SLC41A3: variants seen among roughly 807,000 people sequenced by gnomAD.
SLC41A3 encodes solute carrier family 41 member 3.
SLC41A3 carries 44 observed loss-of-function variants against 45.4 expected under a neutral mutation model. The ratio of observed to expected loss-of-function variants is 0.97; its 90% confidence interval spans 0.76 to 1.25. The LOEUF is 1.25. Among genes scored for constraint, SLC41A3 ranks in the 50% most tolerant of loss-of-function variants. The pLI, the probability that SLC41A3 is intolerant of heterozygous loss-of-function variation, is 0.00. For synonymous variants in SLC41A3, 256 were observed against 252.4 expected, an observed-to-expected ratio of 1.01 and a Z score of -0.13; for missense variants, 550 against 600.6, an observed-to-expected ratio of 0.92 and a Z score of 0.88.
Position 126,006,532 on chromosome 3 carries a change from G to GC in SLC41A3, c.*483dup, listed in dbSNP as rs749778819. On this transcript the variant is annotated 3_prime_UTR_variant, in exon 11 of 11. Coordinates refer to ENST00000360370, the MANE Select transcript of SLC41A3 (RefSeq NM_017836.4). ...CCTGGGGAGGCTGTACACCTTCTTG[G>GC]CACAGCAGCAGTGTGGCCCACGGAG... 1.9e-6 allele frequency: 3 copies of GC among 1,612,232 alleles called. No individual in the cohort carries two copies. In the South Asian group the frequency reaches 3.3e-5, roughly 18 times the overall value.
upstream of SLC41A3, among the ~76,000 whole-genome samples, chr3:126,086,162 T>C (rs1271778927): frequency 1.3e-5 from 2 of 152,152 alleles, no homozygotes; most frequent in Non-Finnish European, 2.9e-5. Flanking sequence ...AATGACCTCA[T>C]TTCGGGCACT....
intron 1 of SLC41A3, among the ~76,000 whole-genome samples, chr3:126,093,019 G>A (rs192471670): frequency 6.6e-6 from 1 of 152,236 alleles, no homozygotes; most frequent in Non-Finnish European, 1.5e-5. Flanking sequence ...GTGACTGTTC[G>A]AGCAGCACCT....
intron 2 of SLC41A3, among the ~76,000 whole-genome samples, 182 bp from the exon 3 acceptor site, chr3:126,051,232 T>C (rs1423857361): frequency 6.6e-6 from 1 of 152,276 alleles, no homozygotes; most frequent in Admixed American, 6.5e-5. Flanking sequence ...AACCTTTTAG[T>C]GCTGTTAACT....
chr3:126,058,297 C>T (rs776216513), intron 2 of SLC41A3: 3 of 152,294 alleles, frequency 2.0e-5, no homozygotes, highest in Non-Finnish European at 2.9e-5. Context: ...CTTCCTCATC[C>T]GTGATCTCGC....
chr3:126,056,749 A>T, intron 2 of SLC41A3: 1 of 1,414,058 alleles, frequency 7.1e-7, no homozygotes, highest in Non-Finnish European at 9.2e-7. Context: ...ATGAGTGAGG[A>T]ACAAAGGCCA....
intron 1 of SLC41A3, among the ~76,000 whole-genome samples, chr3:126,080,197 A>G (rs1945081287): frequency 6.6e-6 from 1 of 152,218 alleles, no homozygotes; most frequent in African/African-American, 2.4e-5. Flanking sequence ...AGGCAACCAA[A>G]GCAAAAATAG....
At chr3:126,071,723 A>G (rs1944627398) in intron 1 of SLC41A3, among the ~76,000 whole-genome samples, 2 of 152,184 alleles carry the variant, frequency 1.3e-5, no homozygotes, top group Admixed American at 1.3e-4. Context: ...TTAGAAATCA[A>G]TAACAGAAGG....
intron 1 of SLC41A3, 81 bp from the exon 2 acceptor site, chr3:126,068,327 C>G: frequency 7.5e-7 from 1 of 1,330,822 alleles, no homozygotes; most frequent in Non-Finnish European, 9.8e-7. Context: ...AGGCACCTGT[C>G]CAGCCCCAGG....
At chr3:126,069,188 A>G (rs1206346920) in intron 1 of SLC41A3, among the ~76,000 whole-genome samples, 6 of 152,088 alleles carry the variant, frequency 3.9e-5, no homozygotes, top group African/African-American at 1.4e-4. Context: ...CTAGGAACAC[A>G]CTCAGGAAAT....
intron 4 of SLC41A3, among the ~76,000 whole-genome samples, chr3:126,030,201 T>A (rs1941693761): frequency 7.2e-6 from 1 of 138,080 alleles, no homozygotes; most frequent in Admixed American, 7.5e-5. Context: ...TATATGTATA[T>A]TATAAACCTT....
intron 1 of SLC41A3, among the ~76,000 whole-genome samples, chr3:126,091,743 G>A (rs1325764305): frequency 6.6e-6 from 1 of 152,218 alleles, no homozygotes; most frequent in Non-Finnish European, 1.5e-5. Context: ...TTCCTCACTA[G>A]AGACAGCTTT....
At position 126,033,673 on chromosome 3, in the gene SLC41A3, G is replaced by C; in HGVS notation, c.387C>G (p.Asn129Lys). The C allele has an allele frequency of 6.2e-7, 1 of 1,612,736 alleles. No homozygotes were observed. The highest frequency in any genetic ancestry group is 8.5e-7 in the Non-Finnish European group (1 of 1,179,716). Residue 129 changes from asparagine (N) to lysine (K), a missense_variant, in exon 4 of 11, where the codon AAC becomes AAG. Physicochemically the swap from Asn to Lys is moderately conservative, Grantham distance 94. Coordinates refer to ENST00000360370, the MANE Select transcript of SLC41A3 (RefSeq NM_017836.4). The part of the protein sequence containing the change: ...TLASRLSTAA[N>K]TGQIDDPQEQ... ...CCTGGGGGTCATCAATTTGTCCAGTGTTGGCCTAGAATGAAGAGAAAAGGA... is the reference window on the plus strand; with the variant it reads ...CCTGGGGGTCATCAATTTGTCCAGTCTTGGCCTAGAATGAAGAGAAAAGGA...
intron 4 of SLC41A3, among the ~76,000 whole-genome samples, chr3:126,030,967 T>C (rs12631986): frequency 0.22 from 33,155 of 152,154 alleles, 4,059 homozygotes; most frequent in Non-Finnish European, 0.27. Context: ...CATTTGTGTA[T>C]TTGTACAAAG....
At chr3:126,059,291 A>AGAGAGAGAGAGAAAG (rs748196107) in intron 2 of SLC41A3, among the ~76,000 whole-genome samples, 3 of 121,312 alleles carry the variant, frequency 2.5e-5, no homozygotes, top group African/African-American at 6.3e-5. Context: ...AGAAAGAAAG[A>AGAGAGAGAGAGAAAG]AAGAAAGAAA....
At chr3:126,032,815 A>G (rs9858676) in intron 4 of SLC41A3, among the ~76,000 whole-genome samples, 8,268 of 152,204 alleles carry the variant, frequency 0.054, 705 homozygotes, top group African/African-American at 0.18. Context: ...GTTCAAGGCT[A>G]TCCAGTGGAT....
At chr3:126,097,551 T>C (rs1945628115) in intron 1 of SLC41A3, among the ~76,000 whole-genome samples, 1 of 152,198 alleles carries the variant, frequency 6.6e-6, no homozygotes, top group African/African-American at 2.4e-5. Context: ...ATAATTTTAT[T>C]TTTGGCTTAC....
intron 1 of SLC41A3, among the ~76,000 whole-genome samples, chr3:126,077,998 C>T (rs1283245807): frequency 1.3e-5 from 2 of 152,198 alleles, no homozygotes; most frequent in Non-Finnish European, 2.9e-5. Context: ...CGGTGTGGCT[C>T]CAAGAGGCAA....
Position 126,006,361 on chromosome 3 carries a change from G to A in SLC41A3, c.*655C>T. The A allele has an allele frequency of 6.4e-7, 1 of 1,568,932 alleles. No homozygotes were observed. The highest frequency in any genetic ancestry group is 8.7e-7 in the Non-Finnish European group (1 of 1,150,636). On this transcript the variant is annotated 3_prime_UTR_variant, in exon 11 of 11. Transcript: ENST00000360370. ...TATCTTTAAAGACATAAAGGGTCAA[G>A]TACAATATAATCTGTTTTATTTTAC...
chr3:126,082,155 G>C (rs1400256526), intron 1 of SLC41A3, among the ~76,000 whole-genome samples: 1 of 152,380 alleles, frequency 6.6e-6, no homozygotes, highest in East Asian at 1.9e-4. Context: ...TGTTTGCAAG[G>C]AGAACATGCT....
Sources: gnomAD v4.1 joint callset for allele counts (sites outside exome capture counted in the v4.1 genomes callset) on GRCh38, gnomAD v4.1.1 for gene constraint, MANE v1.5 for transcripts, NCBI Gene and HGNC (gene_info 2026-07-23, HGNC 2026-07-21) for gene names.